The following MAP3K13 variants were observed in gnomAD, a reference collection of about 807,000 sequenced individuals.
MAP3K13 encodes the protein leucine zipper-bearing kinase.
In MAP3K13, 52 loss-of-function variants were observed where a neutral mutation model predicts 104.0. That is an observed-to-expected ratio of 0.50 (90% CI 0.40 to 0.63). MAP3K13 has a LOEUF of 0.63. Among genes scored for constraint, MAP3K13 ranks in the 20% least tolerant of loss-of-function variants. The pLI, the probability that MAP3K13 is intolerant of heterozygous loss-of-function variation, is 0.00. For synonymous variants in MAP3K13, 394 were observed against 442.2 expected (o/e 0.89, Z 1.37); for missense variants, 914 against 1,218.5 (o/e 0.75, Z 3.72).
intron 1 of MAP3K13, among the ~76,000 whole-genome samples, chr3:185,403,612 T>G (rs1712937567): frequency 6.6e-6 from 1 of 152,182 alleles, no homozygotes; most frequent in Non-Finnish European, 1.5e-5. Context: ...GTACAATTTT[T>G]GTCAATTTAT....
At chr3:185,346,152 C>T (rs995876797) in intron 2 of MAP3K13, among the ~76,000 whole-genome samples, 5 of 152,108 alleles carry the variant, frequency 3.3e-5, no homozygotes, top group Admixed American at 1.3e-4. Flanking sequence ...ATCCTTTGAC[C>T]AACATCTCCC....
intron 7 of MAP3K13, among the ~76,000 whole-genome samples, chr3:185,455,685 T>TATATATCATATATATGAG (rs1716616394): frequency 3.4e-5 from 1 of 29,438 alleles, no homozygotes; most frequent in Non-Finnish European, 8.8e-5. Context: ...ATATGAGATA[T>TATATATCATATATATGAG]ATATATGATA....
At chr3:185,406,580 T>G (rs1310488206) in intron 1 of MAP3K13, among the ~76,000 whole-genome samples, 1 of 152,142 alleles carries the variant, frequency 6.6e-6, no homozygotes, top group Non-Finnish European at 1.5e-5. Context: ...GGATTAGACA[T>G]ATGTAGGCTA....
chr3:185,397,984 A>G (rs2108774416), intron 1 of MAP3K13, among the ~76,000 whole-genome samples: 1 of 152,212 alleles, frequency 6.6e-6, no homozygotes, highest in East Asian at 1.9e-4. Flanking sequence ...GTCTTGTGAA[A>G]TTACTTGCTG....
intron 2 of MAP3K13, among the ~76,000 whole-genome samples, chr3:185,337,512 C>T (rs368485089): frequency 1.3e-5 from 2 of 152,128 alleles, no homozygotes; most frequent in African/African-American, 2.4e-5. Flanking sequence ...AGAATGCCAA[C>T]GCAGATGATA....
chr3:185,433,706 A>G (rs986940462), intron 2 of MAP3K13, among the ~76,000 whole-genome samples: 2 of 152,220 alleles, frequency 1.3e-5, no homozygotes, highest in African/African-American at 4.8e-5. Context: ...TTCTATGGAT[A>G]ATCAAGACTT....
rs1459119860 is a variant in MAP3K13 at position 185,455,213 on chromosome 3, GATATATATATGAT to G, written c.1278+3825_1278+3837del. On this transcript the variant is annotated intron_variant, in intron 7 of 13. Transcript: ENST00000265026. Reference sequence around the variant, plus strand: ...TGAGATATATATATGATATATATGAGATATATATATGATATATATGAGATATATATATGATATA... The same window carrying G: ...TGAGATATATATATGATATATATGAGATATATGAGATATATATATGATATA... Among the ~76,000 whole-genome samples, 191 of 69,288 alleles carry G rather than the reference GATATATATATGAT, an allele frequency of 2.8e-3. 4 individuals carry two copies. The highest frequency in any genetic ancestry group is 9.6e-3 in the East Asian group (27 of 2,812). The allele number at this position is 69,288 out of a possible 152,430, so 45.5% of individuals were successfully genotyped here.
intron 7 of MAP3K13, among the ~76,000 whole-genome samples, chr3:185,456,763 G>A (rs913206330): frequency 7.9e-5 from 12 of 151,782 alleles, no homozygotes; most frequent in African/African-American, 2.4e-4. Context: ...CACCACACTC[G>A]GTTAATTTTT....
rs1255164987 is a variant in MAP3K13, at chr3:185,487,717, G to A, written c.*5261G>A. 6.6e-6 allele frequency: 1 copy of A among 152,032 alleles called. No homozygotes were observed. The highest frequency in any genetic ancestry group is 1.5e-5 in the Non-Finnish European group (1 of 68,030). The allele number at this position is 152,032 out of a possible 1,614,324, so 9.4% of individuals were successfully genotyped here. A position where few individuals can be genotyped will look rare whatever the true frequency, so the allele number is the denominator to read the frequency against. ...GTGCTATGTTTTGTTTTCCCACTGA[G>A]CCAGAAGCCGAAATATTATACTACC... On this transcript the variant is annotated 3_prime_UTR_variant, in exon 14 of 14. Transcript: ENST00000265026.
upstream of MAP3K13, among the ~76,000 whole-genome samples, chr3:185,362,631 TTCCCGACAATTTTGCTTTTACAAG>T (rs951621576): frequency 2.5e-4 from 38 of 152,186 alleles, 1 homozygote; most frequent in African/African-American, 3.9e-4. Flanking sequence ...CCATGCGTTC[TTCCCGACAATTTTGCTTTTACAAG>T]TCCCGACAAT....
chr3:185,322,324 C>T (rs894905864), intron 2 of MAP3K13, among the ~76,000 whole-genome samples: 5 of 152,198 alleles, frequency 3.3e-5, no homozygotes, highest in African/African-American at 1.2e-4. Context: ...TCTTGGGTGA[C>T]TTTGGCCATC....
rs1214848091 is a variant in MAP3K13, at chr3:185,399,626, CGGGGGG to C, written c.-85-28862_-85-28857del. On this transcript the variant is annotated intron_variant, in intron 1 of 13. Transcript: ENST00000265026. ...CGTCAGAAAGAAAGAGAGAGAAAGG[CGGGGGG>C]GGGGGGGGAGGGAGGGAGGAAAAAA... 6.4e-3 allele frequency among the ~76,000 whole-genome samples: 2 copies of C among 312 alleles called. 1 individual carries two copies. The highest frequency in any genetic ancestry group is 0.014 in the Non-Finnish European group (2 of 138). The allele number at this position is 312 out of a possible 152,430, so 0.2% of individuals were successfully genotyped here.
In MAP3K13 at chr3:185,450,124, G is replaced by C; in HGVS notation, c.1169+66G>C. 1 of 1,424,034 alleles carries C rather than the reference G, an allele frequency of 7.0e-7. No homozygotes were observed. The highest frequency in any genetic ancestry group is 1.5e-5 in the South Asian group (1 of 67,458). 88.2% of individuals were successfully genotyped at this position (1,424,034 alleles called of 1,614,324 possible). A position where few individuals can be genotyped will look rare whatever the true frequency, so the allele number is the denominator to read the frequency against. On this transcript the variant is annotated intron_variant, in intron 6 of 13. Transcript: ENST00000265026. The surrounding 1 kb of genome is among the most constrained non-coding windows in gnomAD (Gnocchi z 4.2). Reference sequence around the variant, plus strand: ...GTGTATTTGGAGTAAATATCCTGGTGGTGGAAAGAATAGGAGCTTTGGAGT... The same window carrying C: ...GTGTATTTGGAGTAAATATCCTGGTCGTGGAAAGAATAGGAGCTTTGGAGT...
Position 185,483,798 on chromosome 3 carries a change from C to G in MAP3K13, c.*1342C>G, listed in dbSNP as rs1718598456. On this transcript the variant is annotated 3_prime_UTR_variant, in exon 14 of 14. Coordinates refer to ENST00000265026, the MANE Select transcript of MAP3K13 (RefSeq NM_004721.5). ...CACAATCTCAGTTCACTGCAACCTC[C>G]ATCTCCCAGGTTCAAGCGATTCTCC... is the stretch of plus-strand genomic sequence containing the variant. 1 of 138,224 alleles carries G rather than the reference C, an allele frequency of 7.2e-6. No individual in the cohort carries two copies. The highest frequency in any genetic ancestry group is 9.5e-5 in the Admixed American group (1 of 10,526). 8.6% of individuals were successfully genotyped at this position (138,224 alleles called of 1,614,324 possible).
chr3:185,448,006 G>C, intron 5 of MAP3K13, 59 bp downstream of exon 5: 19 of 1,524,088 alleles, frequency 1.2e-5, no homozygotes, highest in Non-Finnish European at 1.6e-5. Context: ...CGCCCTATTA[G>C]CACTGTCTTC....
intron 1 of MAP3K13, among the ~76,000 whole-genome samples, chr3:185,387,237 TG>T (rs1162596617): frequency 6.6e-6 from 1 of 152,186 alleles, no homozygotes; most frequent in Non-Finnish European, 1.5e-5. Context: ...GTTTGGGTCA[TG>T]GGGCAGATCC....
At chr3:185,387,489 A>C (rs1251634313) in intron 1 of MAP3K13, among the ~76,000 whole-genome samples, 2 of 152,136 alleles carry the variant, frequency 1.3e-5, no homozygotes, top group Non-Finnish European at 2.9e-5. Context: ...CAGAATCAGG[A>C]GCCAGGGAAA....
intron 2 of MAP3K13, among the ~76,000 whole-genome samples, chr3:185,308,192 A>G (rs867298664): frequency 5.3e-5 from 8 of 152,040 alleles, no homozygotes; most frequent in Non-Finnish European, 7.4e-5. Flanking sequence ...TAGCCCAGCT[A>G]TAGAGTCTTA....
chr3:185,369,662 G>A (rs1724059036), intron 1 of MAP3K13, among the ~76,000 whole-genome samples: 2 of 152,342 alleles, frequency 1.3e-5, no homozygotes, highest in East Asian at 3.9e-4. Context: ...AACCACTGAT[G>A]TAGGCAATAT....
Sources: allele counts gnomAD v4.1 joint callset (sites outside exome capture counted in the v4.1 genomes callset), GRCh38; gene constraint gnomAD v4.1.1; non-coding constraint Gnocchi (gnomAD v3.1); transcripts MANE v1.5; gene names NCBI Gene and HGNC (gene_info 2026-07-23, HGNC 2026-07-21).